XRCC4: variants seen among roughly 807,000 people sequenced by gnomAD.
XRCC4 encodes the protein X-ray repair cross complementing 4, also known as DNA repair protein XRCC4.
A neutral mutation model predicts 39.1 loss-of-function variants in XRCC4; 28 were observed. The ratio of observed to expected loss-of-function variants is 0.72; its 90% CI spans 0.53 to 0.98. The LOEUF is 0.98. XRCC4 is among the 50% of genes least tolerant of loss of function. The pLI, the probability that XRCC4 is intolerant of heterozygous loss-of-function variation, is 0.00. For synonymous variants in XRCC4, 123 were observed against 126.4 expected (o/e 0.97, Z 0.18); for missense variants, 350 against 376.4 (o/e 0.93, Z 0.58).
intron 3 of XRCC4, among the ~76,000 whole-genome samples, chr5:83,132,356 G>A (rs1488318464): frequency 1.3e-5 from 2 of 152,000 alleles, no homozygotes; most frequent in Non-Finnish European, 2.9e-5. Flanking sequence ...ACAATTATGT[G>A]TCTTGGTGTT....
At chr5:83,241,814 T>C (rs1025803282) in intron 6 of XRCC4, among the ~76,000 whole-genome samples, 5 of 152,128 alleles carry the variant, frequency 3.3e-5, no homozygotes, top group Admixed American at 6.6e-5. Flanking sequence ...TAAAGTAAGC[T>C]AGAGAAAAGG....
chr5:83,225,325 G>A (rs533847326), intron 6 of XRCC4, among the ~76,000 whole-genome samples: 4 of 152,028 alleles, frequency 2.6e-5, no homozygotes, highest in Non-Finnish European at 4.4e-5. Context: ...TTCATGATGC[G>A]GCTGGGTGTG....
At chr5:83,274,042 T>C (rs1321494144) in intron 7 of XRCC4, among the ~76,000 whole-genome samples, 1 of 152,196 alleles carries the variant, frequency 6.6e-6, no homozygotes, top group Non-Finnish European at 1.5e-5. Context: ...ACCTCAATAT[T>C]ATAATTTCTA....
intron 3 of XRCC4, among the ~76,000 whole-genome samples, chr5:83,112,740 G>A (rs1361709742): frequency 6.6e-6 from 1 of 151,706 alleles, no homozygotes; most frequent in Non-Finnish European, 1.5e-5. Flanking sequence ...AAAAGAACAT[G>A]TGCAGGGGAA....
chr5:83,299,580 A>G (rs1355638100), intron 7 of XRCC4, among the ~76,000 whole-genome samples: 1 of 151,806 alleles, frequency 6.6e-6, no homozygotes, highest in Non-Finnish European at 1.5e-5. Flanking sequence ...CCTCTCTTTT[A>G]TGTTTGTTAC....
At chr5:83,081,352 C>G (rs1744933046) in intron 1 of XRCC4, among the ~76,000 whole-genome samples, 1 of 152,150 alleles carries the variant, frequency 6.6e-6, no homozygotes, top group Non-Finnish European at 1.5e-5. Flanking sequence ...CCTCAGCTAG[C>G]CTCCCTAACC....
chr5:83,148,722 A>G (rs1486175261), intron 3 of XRCC4, among the ~76,000 whole-genome samples: 1 of 152,126 alleles, frequency 6.6e-6, no homozygotes, highest in Non-Finnish European at 1.5e-5. Flanking sequence ...GCATTGTATT[A>G]GGTGCTTCCC....
the XRCC4 span, among the ~76,000 whole-genome samples, chr5:83,369,278 C>T: frequency 1.3e-5 from 2 of 152,044 alleles, no homozygotes; most frequent in African/African-American, 2.4e-5. Context: ...AATCAGAGGG[C>T]GCATGGGCAG....
At chr5:83,149,115 CTA>C (rs770809506) in intron 3 of XRCC4, among the ~76,000 whole-genome samples, 1 of 152,078 alleles carries the variant, frequency 6.6e-6, no homozygotes, top group Non-Finnish European at 1.5e-5. Context: ...GGTAATATGA[CTA>C]TATTGATTTA....
At chr5:83,278,184 G>C (rs1031359476) in intron 7 of XRCC4, among the ~76,000 whole-genome samples, 3 of 152,144 alleles carry the variant, frequency 2.0e-5, no homozygotes, top group African/African-American at 7.2e-5. Flanking sequence ...TTGACTTGTT[G>C]TCTGGCTCTG....
downstream of XRCC4, among the ~76,000 whole-genome samples, chr5:83,356,034 T>G (rs1424424271): frequency 6.6e-6 from 1 of 152,154 alleles, no homozygotes; most frequent in Non-Finnish European, 1.5e-5. Flanking sequence ...GCAAAATATT[T>G]TAAATAGAAA....
At chr5:83,310,239 G>A (rs564433296) in intron 7 of XRCC4, among the ~76,000 whole-genome samples, 5 of 152,304 alleles carry the variant, frequency 3.3e-5, no homozygotes. Context: ...GGAGAGGACT[G>A]AAGCTGTAAA....
intron 7 of XRCC4, among the ~76,000 whole-genome samples, chr5:83,302,486 C>A (rs1249958653): frequency 6.6e-6 from 1 of 152,158 alleles, no homozygotes; most frequent in South Asian, 2.1e-4. Context: ...ACACAATGCC[C>A]CACCCTGCTT....
intron 3 of XRCC4, among the ~76,000 whole-genome samples, chr5:83,155,601 T>G (rs2112566924): frequency 6.6e-6 from 1 of 152,252 alleles, no homozygotes; most frequent in East Asian, 1.9e-4. Flanking sequence ...CTAGTGTGAC[T>G]TATTAGTTAC....
At chr5:83,169,739 G>A (rs1421194167) in intron 3 of XRCC4, among the ~76,000 whole-genome samples, 3 of 152,050 alleles carry the variant, frequency 2.0e-5, no homozygotes, top group Non-Finnish European at 4.4e-5. Context: ...ATCCTTGTTA[G>A]TGTGCAGTAT....
At chr5:83,312,000 T>C (rs192293413) in intron 7 of XRCC4, among the ~76,000 whole-genome samples, 222 of 152,294 alleles carry the variant, frequency 1.5e-3, no homozygotes, top group African/African-American at 5.1e-3. Flanking sequence ...CTCCTCTGCA[T>C]GGCAGCCTCA....
At chr5:83,254,094 TC>T (rs1387665165) in intron 6 of XRCC4, among the ~76,000 whole-genome samples, 2 of 149,368 alleles carry the variant, frequency 1.3e-5, no homozygotes, top group African/African-American at 2.5e-5. Context: ...TTTTTTTTTT[TC>T]TTTTGTCTTC....
chr5:83,320,662 T>G (rs964464543), intron 7 of XRCC4, among the ~76,000 whole-genome samples: 2 of 151,944 alleles, frequency 1.3e-5, no homozygotes, highest in Non-Finnish European at 2.9e-5. Flanking sequence ...CTTAATACCT[T>G]TGGCAACTAC....
intron 3 of XRCC4, among the ~76,000 whole-genome samples, chr5:83,148,244 C>G (rs1382579800): frequency 6.6e-6 from 1 of 152,134 alleles, no homozygotes; most frequent in African/African-American, 2.4e-5. Flanking sequence ...GTATCTGATA[C>G]ACAGTAGGTG....
Sources: allele counts gnomAD v4.1 joint callset (sites outside exome capture counted in the v4.1 genomes callset), GRCh38; gene constraint gnomAD v4.1.1; transcripts MANE v1.5; gene names NCBI Gene and HGNC (gene_info 2026-07-23, HGNC 2026-07-21).